Variants in AFAP1 observed in about 807,000 individuals in gnomAD.
AFAP1 encodes actin filament associated protein 1, also known as actin filament-associated protein 1.
Under a neutral mutation model 93.9 loss-of-function variants are expected in AFAP1, and 75 were observed. The observed-to-expected ratio is 0.80, with a 90% CI of 0.66 to 0.97. The LOEUF is 0.97. Among genes scored for constraint, AFAP1 ranks in the 50% least tolerant of loss-of-function variants. The pLI is 0.00. For missense variants in AFAP1, 1,201 were observed against 1,050.8 expected (o/e 1.14, Z -1.98); for synonymous variants, 517 against 430.7 (o/e 1.20, Z -2.48).
chr4:7,849,698 G>A lies in AFAP1; in HGVS notation c.334+5768C>T, dbSNP rs73795057. ...CAGACTCACAAAGGGCTTTCCCCTC[G>A]ATCCTTCCAGCTGCCCCACACAACT... On this transcript the variant is annotated intron_variant, in intron 4 of 17. Transcript: ENST00000420658. Among the ~76,000 whole-genome samples, 951 of 152,254 alleles carry A rather than the reference G, an allele frequency of 6.2e-3. 9 individuals are homozygous for A. Among genetic ancestry groups the A allele is most frequent in the African/African-American group, 0.021 (892 of 41,520 alleles).
In AFAP1 at chr4:7,828,259, C is replaced by G. The variant is rs561582577; in HGVS notation, c.727-9088G>C. On this transcript the variant is annotated intron_variant, in intron 6 of 17. Transcript: ENST00000420658. ...TCCCTATAGCGTCGCCCCCACGCCC[C>G]CCGGCTGGCTATGTGAACTTGGGAT... is the stretch of plus-strand genomic sequence containing the variant. Among the ~76,000 whole-genome samples the G allele has an allele frequency of 2.3e-3, 351 of 152,292 alleles. 1 individual carries two copies. The highest frequency in any genetic ancestry group is 8.1e-3 in the African/African-American group (337 of 41,552).
Position 7,855,566 on chromosome 4 carries a change from G to T in AFAP1, c.234C>A (p.Asp78Glu). 6.2e-7 allele frequency: 1 copy of T among 1,612,220 alleles called. No individual in the cohort carries two copies. The highest frequency in any genetic ancestry group is 8.5e-7 in the Non-Finnish European group (1 of 1,178,324). The change falls in exon 4 of 18, where the codon GAC becomes GAA. Residue 78 changes from aspartate (D) to glutamate (E), a missense_variant. Physicochemically the swap from Asp to Glu is conservative, Grantham distance 45 (BLOSUM62 2). Transcript: ENST00000420658. ...PEIPQPWLPP[D>E]SGPPPLPTSS... ...ATGTTGGCAATGGTGGAGGCCCACT[G>T]TCAGGAGGCTGAGGAAGAAAGGAAA...
chr4:7,875,633 G>C (rs1391413042), intron 1 of AFAP1, among the ~76,000 whole-genome samples: 1 of 150,498 alleles, frequency 6.6e-6, no homozygotes, highest in African/African-American at 2.4e-5. Flanking sequence ...AAAAAAAATG[G>C]AGGTGGGGGG....
chr4:7,908,782 T>C (rs1719566583), intron 1 of AFAP1, among the ~76,000 whole-genome samples: 1 of 152,228 alleles, frequency 6.6e-6, no homozygotes, highest in South Asian at 2.1e-4. Flanking sequence ...CTTGTCTGGA[T>C]GATGCATAGT....
intron 3 of AFAP1, among the ~76,000 whole-genome samples, chr4:7,861,665 G>A (rs1261791882): frequency 6.6e-6 from 1 of 152,216 alleles, no homozygotes; most frequent in African/African-American, 2.4e-5. Flanking sequence ...GATGGAAGGC[G>A]AGGCAGCCCA....
chr4:7,936,419 G>C (rs1188437627), intron 1 of AFAP1, among the ~76,000 whole-genome samples: 2 of 150,916 alleles, frequency 1.3e-5, no homozygotes, highest in African/African-American at 4.9e-5. Flanking sequence ...TCTAATCTTG[G>C]GCTCAAGTGA....
rs532456359 is a variant in AFAP1, at chr4:7,900,046, C to A, written c.-2-27966G>T. ...ACTAAGCCATGGCAAATACCCCCAGCAACTCTGCAAGGAGAACATCCAACA... is the reference window on the plus strand; with the variant it reads ...ACTAAGCCATGGCAAATACCCCCAGAAACTCTGCAAGGAGAACATCCAACA... On this transcript the variant is annotated intron_variant, in intron 1 of 17. Transcript: ENST00000420658. 2.0e-5 allele frequency among the ~76,000 whole-genome samples: 3 copies of A among 152,262 alleles called. No homozygotes were observed. The South Asian group carries it at 6.2e-4, about 32-fold the overall frequency.
chr4:7,817,290 T>A (rs1720560138), intron 7 of AFAP1, among the ~76,000 whole-genome samples: 1 of 152,190 alleles, frequency 6.6e-6, no homozygotes, highest in Non-Finnish European at 1.5e-5. Context: ...AAGTACTATT[T>A]TATTTTAGAT....
chr4:7,764,033 G>A (rs577913907), intron 17 of AFAP1, among the ~76,000 whole-genome samples: 2 of 152,152 alleles, frequency 1.3e-5, no homozygotes, highest in Admixed American at 6.5e-5. Flanking sequence ...CACCAGCCAG[G>A]AGGCAGAGGA....
At chr4:7,894,141 A>C (rs1461648742) in intron 1 of AFAP1, among the ~76,000 whole-genome samples, 1 of 152,154 alleles carries the variant, frequency 6.6e-6, no homozygotes, top group Non-Finnish European at 1.5e-5. Context: ...GCACAGGTTC[A>C]CCCATGTCCT....
At chr4:7,929,053 G>C (rs1284634934) in intron 1 of AFAP1, among the ~76,000 whole-genome samples, 1 of 152,236 alleles carries the variant, frequency 6.6e-6, no homozygotes, top group Non-Finnish European at 1.5e-5. Context: ...AGGATGGTTT[G>C]CTCTCAGGAG....
intron 1 of AFAP1, among the ~76,000 whole-genome samples, chr4:7,914,739 A>C (rs2149229532): frequency 6.6e-6 from 1 of 152,142 alleles, no homozygotes; most frequent in African/African-American, 2.4e-5. Context: ...TAGTGGCTGC[A>C]CTAGCTTACT....
Position 7,778,787 on chromosome 4 carries a change from C to A in AFAP1, c.1872G>T (p.Ala624=), listed in dbSNP as rs149693498. The change falls in exon 14 of 18, where the codon GCG becomes GCT. Residue 624 remains alanine, a synonymous_variant. Transcript: ENST00000420658. ...LSSQPKKADP[A]AVVKRTGSNA... is the part of the protein sequence containing the mutation. Reference sequence around the variant, plus strand: ...TCGAACCCGTCCTTTTCACAACAGCCGCGGGATCCGCTTTCTTTGGCTGAC... The same window carrying A: ...TCGAACCCGTCCTTTTCACAACAGCAGCGGGATCCGCTTTCTTTGGCTGAC... 134 of 1,614,212 alleles carry A rather than the reference C, an allele frequency of 8.3e-5. No individual in the cohort carries two copies. The South Asian group carries it at 1.1e-3, about 13-fold the overall frequency.
intron 1 of AFAP1, among the ~76,000 whole-genome samples, chr4:7,874,314 A>C (rs1717325057): frequency 6.7e-6 from 1 of 150,118 alleles, no homozygotes; most frequent in Admixed American, 6.6e-5. Context: ...CTACTGAAAA[A>C]CTTCCCAACT....
At chr4:7,935,147 T>G (rs1467079626) in intron 1 of AFAP1, among the ~76,000 whole-genome samples, 4 of 151,362 alleles carry the variant, frequency 2.6e-5, no homozygotes, top group Non-Finnish European at 4.4e-5. Context: ...TCTTAATGGG[T>G]TTTTTTTTAA....
intron 1 of AFAP1, among the ~76,000 whole-genome samples, chr4:7,884,161 C>T (rs1718014347): frequency 6.6e-6 from 1 of 152,178 alleles, no homozygotes; most frequent in Non-Finnish European, 1.5e-5. Context: ...ACCTGCTCCC[C>T]CCTTCACCTT....
intron 6 of AFAP1, among the ~76,000 whole-genome samples, chr4:7,822,918 G>T (rs868545137): frequency 6.6e-6 from 1 of 151,732 alleles, no homozygotes; most frequent in Non-Finnish European, 1.5e-5. Context: ...TTTTCAACAG[G>T]GGAACTTCTT....
intron 9 of AFAP1, 107 bp from the exon 10 acceptor site, chr4:7,800,760 C>G (rs1295331515): frequency 3.8e-6 from 4 of 1,048,410 alleles, no homozygotes; most frequent in Non-Finnish European, 4.3e-6. Flanking sequence ...GTGGATAAAA[C>G]AAATCCTTCA....
intron 10 of AFAP1, among the ~76,000 whole-genome samples, chr4:7,797,631 A>G (rs1387596124): frequency 6.6e-6 from 1 of 152,212 alleles, no homozygotes; most frequent in African/African-American, 2.4e-5. Context: ...GCAGCGGACT[A>G]CAACACACAG....
Sources: gnomAD v4.1 joint callset for allele counts (sites outside exome capture counted in the v4.1 genomes callset) on GRCh38, gnomAD v4.1.1 for gene constraint, MANE v1.5 for transcripts, NCBI Gene and HGNC (gene_info 2026-07-23, HGNC 2026-07-21) for gene names.